Variants in CAMTA1 observed in about 807,000 individuals in gnomAD.
CAMTA1 encodes calmodulin binding transcription activator 1, also known as calmodulin-binding transcription activator 1.
CAMTA1 carries 27 observed loss-of-function variants against 170.9 expected under a neutral mutation model. The ratio of observed to expected loss-of-function variants is 0.16; its 90% CI spans 0.12 to 0.22. The LOEUF is 0.22. CAMTA1 is among the 10% of genes least tolerant of loss of function. CAMTA1 has a pLI of 1.00. For missense variants in CAMTA1, 1,619 were observed against 2,217.2 expected (o/e 0.73, Z 5.42); for synonymous variants, 833 against 891.5 (o/e 0.93, Z 1.17).
rs371558720 is a variant in CAMTA1, at chr1:7,618,995, G to A, written c.511-21405G>A. 1.7e-4 allele frequency among the ~76,000 whole-genome samples: 26 copies of A among 152,232 alleles called. No individual in the cohort carries two copies. The East Asian group carries it at 2.5e-3, about 15-fold the overall frequency. ...TTATTCACATTTGACCAAAAAATTTGCATCTCAAACAGAAATTTTAAGGAG... is the reference window on the plus strand; with the variant it reads ...TTATTCACATTTGACCAAAAAATTTACATCTCAAACAGAAATTTTAAGGAG... On this transcript the variant is annotated intron_variant, in intron 6 of 22. Coordinates refer to ENST00000303635, the MANE Select transcript of CAMTA1 (RefSeq NM_015215.4).
intron 1 of CAMTA1, among the ~76,000 whole-genome samples, chr1:6,799,541 A>T (rs1284654096): frequency 6.6e-6 from 1 of 152,138 alleles, no homozygotes; most frequent in African/African-American, 2.4e-5. Flanking sequence ...ATCACTCTTG[A>T]TTCCAGCACA....
intron 3 of CAMTA1, among the ~76,000 whole-genome samples, chr1:6,940,808 A>G (rs959073686): frequency 2.8e-5 from 3 of 107,106 alleles, no homozygotes; most frequent in Non-Finnish European, 6.0e-5. Flanking sequence ...CCCCTTCCTC[A>G]CCGACACCCA....
chr1:7,019,744 C>A (rs1186667787), intron 3 of CAMTA1, among the ~76,000 whole-genome samples: 3 of 152,246 alleles, frequency 2.0e-5, no homozygotes, highest in Non-Finnish European at 4.4e-5. Flanking sequence ...AGCCTTTTGA[C>A]CTTTGCCTTT....
chr1:7,674,731 G>A lies in CAMTA1; in HGVS notation c.2780-2868G>A, dbSNP rs959533018. 2.6e-5 allele frequency among the ~76,000 whole-genome samples: 4 copies of A among 152,036 alleles called. No individual in the cohort carries two copies. Among genetic ancestry groups the A allele is most frequent in the Admixed American group, 2.0e-4 (3 of 15,258 alleles). ...GGAGGTTGCAGTGAGCCAAGATCAC[G>A]CCACTGCACTCCAGCCTGGAAGACA... is the stretch of plus-strand genomic sequence containing the variant. On this transcript the variant is annotated intron_variant, in intron 10 of 22. Transcript: ENST00000303635. The surrounding 1 kb of genome is among the most constrained non-coding windows in gnomAD (Gnocchi z 4.1).
intron 5 of CAMTA1, among the ~76,000 whole-genome samples, chr1:7,294,825 G>A (rs1245390067): frequency 1.5e-5 from 2 of 135,448 alleles, no homozygotes; most frequent in Non-Finnish European, 3.1e-5. Context: ...GAGACTCTCC[G>A]TGGACCCTTC....
chr1:7,457,514 C>T (rs973737076), intron 5 of CAMTA1, among the ~76,000 whole-genome samples: 4 of 151,932 alleles, frequency 2.6e-5, no homozygotes, highest in African/African-American at 9.7e-5. Flanking sequence ...CCGGGCCAGG[C>T]TGTGTCCCAT....
intron 4 of CAMTA1, among the ~76,000 whole-genome samples, chr1:7,185,027 A>T (rs1652962204): frequency 6.6e-6 from 1 of 152,230 alleles, no homozygotes; most frequent in African/African-American, 2.4e-5. Flanking sequence ...AGATTGAAGA[A>T]ATATGTAAAT....
chr1:7,105,479 C>T (rs1055816905), intron 4 of CAMTA1, among the ~76,000 whole-genome samples: 2 of 152,164 alleles, frequency 1.3e-5, no homozygotes, highest in Non-Finnish European at 2.9e-5. Flanking sequence ...TGGGGTGGCT[C>T]GGAGGCAGAG....
intron 11 of CAMTA1, among the ~76,000 whole-genome samples, chr1:7,692,437 T>C (rs1305499306): frequency 3.3e-5 from 5 of 152,120 alleles, no homozygotes; most frequent in African/African-American, 1.2e-4. Context: ...TTGTGGTGCA[T>C]GGACCCTGGA....
chr1:7,258,342 G>C (rs1483477201), intron 5 of CAMTA1, among the ~76,000 whole-genome samples: 1 of 152,220 alleles, frequency 6.6e-6, no homozygotes, highest in Non-Finnish European at 1.5e-5. Context: ...TAGAGCAGCA[G>C]CATATCAACT....
At chr1:7,380,252 G>A (rs1020677398) in intron 5 of CAMTA1, among the ~76,000 whole-genome samples, 34 of 152,130 alleles carry the variant, frequency 2.2e-4, no homozygotes, top group Admixed American at 5.2e-4. Flanking sequence ...TGCCCGGCAC[G>A]TCCCTCTCCT....
At chr1:7,394,247 A>ATTTT (rs1301857093) in intron 5 of CAMTA1, among the ~76,000 whole-genome samples, 1 of 152,114 alleles carries the variant, frequency 6.6e-6, no homozygotes, top group Non-Finnish European at 1.5e-5. Flanking sequence ...TCTATTTTTA[A>ATTTT]TTTTTTGAGG....
At chr1:7,652,339 G>A (rs1386708025) in intron 7 of CAMTA1, among the ~76,000 whole-genome samples, 1 of 152,006 alleles carries the variant, frequency 6.6e-6, no homozygotes, top group African/African-American at 2.4e-5. Flanking sequence ...GATTTTCCAA[G>A]AGCAAGTCCC....
At position 6,916,367 on chromosome 1, in the gene CAMTA1, G is replaced by A. The variant is rs181881806; in HGVS notation, c.234+91157G>A. On this transcript the variant is annotated intron_variant, in intron 3 of 22. Transcript: ENST00000303635. ...TGCCAGGAATCCAGATCCAGGAGCC[G>A]CCGGCCGAGTTCCTGTAAGGCCCGC... is the stretch of plus-strand genomic sequence containing the variant. 3.2e-4 allele frequency among the ~76,000 whole-genome samples: 48 copies of A among 152,250 alleles called. No homozygotes were observed. The East Asian group carries it at 8.1e-3, about 26-fold the overall frequency.
intron 3 of CAMTA1, among the ~76,000 whole-genome samples, chr1:6,931,734 T>C (rs2149377257): frequency 6.6e-6 from 1 of 152,336 alleles, no homozygotes; most frequent in East Asian, 1.9e-4. Flanking sequence ...CCTGCAGATG[T>C]GCACATTAAT....
intron 3 of CAMTA1, among the ~76,000 whole-genome samples, chr1:6,854,305 A>G (rs980729441): frequency 1.3e-5 from 2 of 152,246 alleles, no homozygotes; most frequent in African/African-American, 4.8e-5. Context: ...ATTCAGTACA[A>G]TAATACGCAG....
intron 4 of CAMTA1, among the ~76,000 whole-genome samples, chr1:7,180,391 C>T (rs964336165): frequency 6.6e-6 from 1 of 151,378 alleles, no homozygotes; most frequent in Admixed American, 6.6e-5. Flanking sequence ...ATTTTGTAGA[C>T]CTCTATTAAA....
chr1:7,161,209 C>T (rs1647191578), intron 4 of CAMTA1, among the ~76,000 whole-genome samples: 2 of 152,182 alleles, frequency 1.3e-5, no homozygotes, highest in Non-Finnish European at 2.9e-5. Flanking sequence ...GCCTCTTTCC[C>T]CACATTCCTT....
intron 6 of CAMTA1, among the ~76,000 whole-genome samples, chr1:7,542,842 TGTG>T (rs1557887217): frequency 8.5e-4 from 94 of 110,350 alleles, no homozygotes; most frequent in African/African-American, 2.9e-3. Context: ...AAACACAGTG[TGTG>T]TGTGTGTGTG....
Sources: gnomAD v4.1 joint callset for allele counts (sites outside exome capture counted in the v4.1 genomes callset) on GRCh38, gnomAD v4.1.1 for gene constraint, Gnocchi (gnomAD v3.1) non-coding constraint, MANE v1.5 for transcripts, NCBI Gene and HGNC (gene_info 2026-07-23, HGNC 2026-07-21) for gene names.